VIT: variants seen among roughly 807,000 people sequenced by gnomAD.
VIT encodes vitrin.
In VIT, 99 loss-of-function variants were observed where a neutral mutation model predicts 78.0. That is an observed-to-expected ratio of 1.27 (90% CI 1.08 to 1.50). The LOEUF is 1.50. Ranked by LOEUF, VIT falls within the 40% of genes most tolerant of loss-of-function variation. The pLI is 0.00. For missense variants in VIT, 1,126 were observed against 875.3 expected, an observed-to-expected ratio of 1.29 and a Z score of -3.61; for synonymous variants, 374 against 334.3, an observed-to-expected ratio of 1.12 and a Z score of -1.29.
chr2:36,747,614 C>A (rs1668216366), intron 4 of VIT, among the ~76,000 whole-genome samples: 1 of 152,130 alleles, frequency 6.6e-6, no homozygotes, highest in Non-Finnish European at 1.5e-5. Context: ...GTAGATCTTT[C>A]TTCATCCCTT....
Position 36,714,872 on chromosome 2 carries a change from A to G in VIT, c.-18-1481A>G, listed in dbSNP as rs144517333. Among the ~76,000 whole-genome samples, 1,201 of 152,308 alleles carry G rather than the reference A, an allele frequency of 7.9e-3. 17 individuals are homozygous for G. The highest frequency in any genetic ancestry group is 0.027 in the African/African-American group (1,127 of 41,554). ...CAAAACAATACAGAATGCACAGAAT[A>G]TACTCAATTAATAGTAGTATCAGCA... On this transcript the variant is annotated intron_variant, in intron 1 of 15. Transcript: ENST00000379242.
chr2:36,772,011 T>A (rs1000988867), intron 7 of VIT, among the ~76,000 whole-genome samples: 1 of 152,244 alleles, frequency 6.6e-6, no homozygotes, highest in Non-Finnish European at 1.5e-5. Context: ...TGTATACCAG[T>A]AACTGCTGGC....
At chr2:36,746,785 A>G (rs1668162557) in intron 4 of VIT, among the ~76,000 whole-genome samples, 1 of 151,928 alleles carries the variant, frequency 6.6e-6, no homozygotes, top group Non-Finnish European at 1.5e-5. Context: ...ATGGATTTTC[A>G]CAATTCAGTT....
chr2:36,707,788 A>G (rs1206410646), intron 1 of VIT, among the ~76,000 whole-genome samples: 2 of 151,610 alleles, frequency 1.3e-5, no homozygotes, highest in East Asian at 1.9e-4. Context: ...GAACCACCAT[A>G]CTGAGAAAAG....
chr2:36,790,800 G>A (rs1020018180), intron 12 of VIT, among the ~76,000 whole-genome samples: 4 of 152,162 alleles, frequency 2.6e-5, no homozygotes, highest in Non-Finnish European at 4.4e-5. Flanking sequence ...TGGACAAAAG[G>A]CCAAGGATCA....
chr2:36,700,133 A>T (rs900143889), intron 1 of VIT, among the ~76,000 whole-genome samples: 1 of 152,240 alleles, frequency 6.6e-6, no homozygotes, highest in Non-Finnish European at 1.5e-5. Context: ...TTTAGCAAAT[A>T]GATTCATGGA....
intron 9 of VIT, 45 bp from the exon 10 acceptor site, chr2:36,781,682 T>A: frequency 6.2e-7 from 1 of 1,604,942 alleles, no homozygotes; most frequent in African/African-American, 1.3e-5. Flanking sequence ...TTCTGCTGGT[T>A]TGGTTTAAGT....
intron 15 of VIT, among the ~76,000 whole-genome samples, chr2:36,811,627 G>C (rs547665249): frequency 1.3e-4 from 19 of 151,826 alleles, no homozygotes; most frequent in African/African-American, 4.6e-4. Flanking sequence ...GAGTGGACTT[G>C]GGATCTGGAA....
chr2:36,803,414 G>C (rs1382613137), intron 13 of VIT, among the ~76,000 whole-genome samples: 1 of 152,210 alleles, frequency 6.6e-6, no homozygotes, highest in Non-Finnish European at 1.5e-5. Context: ...AAGGTGGATG[G>C]AATGTGTGTT....
intron 4 of VIT, among the ~76,000 whole-genome samples, chr2:36,749,030 T>C (rs74615176): frequency 0.01 from 1,596 of 152,332 alleles, 26 homozygotes; most frequent in African/African-American, 0.034. Context: ...AAGTCATGCA[T>C]GGTCCTGCAT....
chr2:36,768,945 A>T (rs1669597633), intron 7 of VIT, among the ~76,000 whole-genome samples: 1 of 152,212 alleles, frequency 6.6e-6, no homozygotes, highest in Admixed American at 6.5e-5. Flanking sequence ...AGAAGCTATG[A>T]TATAAAGTCC....
At chr2:36,784,777 C>T (rs1664982123) in intron 11 of VIT, among the ~76,000 whole-genome samples, 1 of 152,202 alleles carries the variant, frequency 6.6e-6, no homozygotes, top group African/African-American at 2.4e-5. Flanking sequence ...CATTGTATAA[C>T]CCAATTCTAC....
chr2:36,725,395 T>C (rs1573157123), intron 2 of VIT, among the ~76,000 whole-genome samples: 1 of 152,030 alleles, frequency 6.6e-6, no homozygotes, highest in Admixed American at 6.5e-5. Context: ...CTGGTCAGGG[T>C]CAGCTTCCTG....
chr2:36,712,273 A>G lies in VIT; in HGVS notation c.-18-4080A>G, dbSNP rs569807468. ...TCACGTATTCTAAGATACTAGAGTG[A>G]TTCTGGTCAGGTTCCATTATTGATA... On this transcript the variant is annotated intron_variant, in intron 1 of 15. Transcript: ENST00000379242. Among the ~76,000 whole-genome samples the G allele has an allele frequency of 5.4e-4, 82 of 152,348 alleles. 3 individuals are homozygous for G. Among genetic ancestry groups the G allele is most frequent in the Admixed American group, 4.8e-3 (73 of 15,306 alleles).
intron 1 of VIT, among the ~76,000 whole-genome samples, chr2:36,711,107 A>T (rs1208652405): frequency 6.6e-6 from 1 of 152,132 alleles, no homozygotes; most frequent in Non-Finnish European, 1.5e-5. Context: ...TTCTTTCTCC[A>T]GGTTGCTTTT....
At chr2:36,803,095 C>T (rs1432782952) in intron 13 of VIT, among the ~76,000 whole-genome samples, 1 of 152,156 alleles carries the variant, frequency 6.6e-6, no homozygotes, top group Non-Finnish European at 1.5e-5. Flanking sequence ...GCTGCCAGCT[C>T]CAGAACCACG....
chr2:36,774,805 G>T, intron 8 of VIT, 197 bp from the exon 9 acceptor site: 1 of 985,378 alleles, frequency 1.0e-6, no homozygotes, highest in African/African-American at 1.7e-5. Context: ...CCAATCCATG[G>T]AGCACTGTTT....
At chr2:36,698,345 A>G (rs999142896) in intron 1 of VIT, among the ~76,000 whole-genome samples, 3 of 152,246 alleles carry the variant, frequency 2.0e-5, no homozygotes, top group African/African-American at 7.2e-5. Context: ...CATGAAGAAT[A>G]GTTTCTTTCA....
intron 15 of VIT, 84 bp from the exon 16 acceptor site, chr2:36,814,099 G>A (rs941669701): frequency 5.9e-6 from 9 of 1,516,514 alleles, no homozygotes; most frequent in Admixed American, 2.0e-5. Context: ...ATTTGGCTGT[G>A]CCAACAGGGC....
Sources: gnomAD v4.1 joint callset for allele counts (sites outside exome capture counted in the v4.1 genomes callset) on GRCh38, gnomAD v4.1.1 for gene constraint, MANE v1.5 for transcripts, NCBI Gene and HGNC (gene_info 2026-07-23, HGNC 2026-07-21) for gene names.